Variants in SSBP3 observed in about 807,000 individuals in gnomAD.
SSBP3 encodes the protein single-stranded DNA-binding protein 3.
In SSBP3, 5 loss-of-function variants were observed where a neutral mutation model predicts 69.6. The observed-to-expected ratio is 0.07, with a 90% confidence interval of 0.04 to 0.15. The LOEUF (loss-of-function observed/expected upper bound fraction) is 0.15, where lower values mean the gene tolerates loss of function less well. Among genes scored for constraint, SSBP3 ranks in the 10% least tolerant of loss-of-function variants. The pLI is 1.00. For synonymous variants in SSBP3, 196 were observed against 193.4 expected, an observed-to-expected ratio of 1.01 and a Z score of -0.11; for missense variants, 312 against 534.0, an observed-to-expected ratio of 0.58 and a Z score of 4.10.
chr1:54,276,608 C>CAAAAAAAAAAAAAAAAAAAAAAAAAA (rs746933473), intron 5 of SSBP3, among the ~76,000 whole-genome samples: 1 of 35,214 alleles, frequency 2.8e-5, no homozygotes, highest in African/African-American at 1.5e-4. Flanking sequence ...GACTCTGTCT[C>CAAAAAAAAAAAAAAAAAAAAAAAAAA]AAAAAAAAAA....
At chr1:54,411,334 C>T (rs561252087), upstream of SSBP3, among the ~76,000 whole-genome samples, 19 of 151,842 alleles carry the variant, frequency 1.3e-4, no homozygotes, top group African/African-American at 3.9e-4. Context: ...AAAAATTAGC[C>T]GGGCATGGTG....
chr1:54,238,940 C>A, intron 14 of SSBP3, 189 bp downstream of exon 14: 4 of 392,980 alleles, frequency 1.0e-5, no homozygotes, highest in African/African-American at 2.1e-5. Flanking sequence ...CCCTTCCTCT[C>A]CCACCCCCTG....
intron 1 of SSBP3, chr1:54,412,583 G>GCAAGAGCAAAGT: frequency 6.6e-6 from 1 of 152,298 alleles, no homozygotes. Context: ...TAGAGCTTCA[G>GCAAGAGCAAAGT]TTTGGGAAGA....
intron 4 of SSBP3, among the ~76,000 whole-genome samples, chr1:54,325,627 TG>T (rs1218801924): frequency 6.6e-6 from 1 of 152,222 alleles, no homozygotes; most frequent in East Asian, 1.9e-4. Context: ...TTACCTTTGC[TG>T]GGGGATTCAA....
chr1:54,313,983 C>T (rs1646052267), intron 4 of SSBP3, among the ~76,000 whole-genome samples: 1 of 152,130 alleles, frequency 6.6e-6, no homozygotes, highest in Non-Finnish European at 1.5e-5. Flanking sequence ...AGGCTGGTCT[C>T]AAAGTCCTGA....
chr1:54,380,268 C>T (rs779679723), intron 4 of SSBP3, among the ~76,000 whole-genome samples: 2 of 152,140 alleles, frequency 1.3e-5, no homozygotes, highest in Non-Finnish European at 2.9e-5. Context: ...TCACACACCC[C>T]CTCCTTTTTC....
At chr1:54,231,763 T>C (rs1644382886) in intron 14 of SSBP3, among the ~76,000 whole-genome samples, 1 of 152,152 alleles carries the variant, frequency 6.6e-6, no homozygotes, top group Non-Finnish European at 1.5e-5. Flanking sequence ...GGCGTGATCT[T>C]GGCTCACTGC....
chr1:54,406,036 T>TCACCGCCGCCGC, exon 1 of SSBP3: 1 of 1,329,340 alleles, frequency 7.5e-7, no homozygotes. Flanking sequence ...GCGCCGAGCC[T>TCACCGCCGCCGC]CGCCGCCGCC....
intron 4 of SSBP3, among the ~76,000 whole-genome samples, chr1:54,284,743 AC>A (rs1645457393): frequency 6.6e-6 from 1 of 152,144 alleles, no homozygotes. Flanking sequence ...TGCTAGCATT[AC>A]AGGTGTGAAC....
intron 5 of SSBP3, among the ~76,000 whole-genome samples, chr1:54,275,437 G>A (rs1645267226): frequency 6.6e-6 from 1 of 152,242 alleles, no homozygotes; most frequent in South Asian, 2.1e-4. Flanking sequence ...CAGCTTTCTG[G>A]CAGGAGGAAT....
At chr1:54,242,922 C>G (rs1490433310) in intron 10 of SSBP3, 6 of 273,378 alleles carry the variant, frequency 2.2e-5, no homozygotes, top group Middle Eastern at 1.1e-3. Context: ...TGTACTCCAG[C>G]CTGGACAACA....
At chr1:54,340,109 G>GGTAA (rs1646580617) in intron 4 of SSBP3, among the ~76,000 whole-genome samples, 1 of 151,866 alleles carries the variant, frequency 6.6e-6, no homozygotes, top group African/African-American at 2.4e-5. Context: ...TTTGCTTTTT[G>GGTAA]GTAAGCTCTC....
In SSBP3 at chr1:54,303,000, C is replaced by T. The variant is rs141716979; in HGVS notation, c.277-21473G>A. Among the ~76,000 whole-genome samples, 24 of 152,264 alleles carry T rather than the reference C, an allele frequency of 1.6e-4. No individual in the cohort carries two copies. The East Asian group carries it at 4.2e-3, about 27-fold the overall frequency. On this transcript the variant is annotated intron_variant, in intron 4 of 17. Transcript: ENST00000610401. ...GAAGCAGGTGATCTAGCGGGGCAGA[C>T]GAGACAGACACGTGAAACAATTAGT...
At chr1:54,316,934 C>T (rs547898344) in intron 4 of SSBP3, among the ~76,000 whole-genome samples, 46 of 152,198 alleles carry the variant, frequency 3.0e-4, no homozygotes, top group African/African-American at 1.0e-3. Context: ...TCCCTTCAGC[C>T]TCTTTTAGGA....
intron 14 of SSBP3, among the ~76,000 whole-genome samples, chr1:54,234,365 TAAATAA>T (rs1297471623): frequency 7.0e-6 from 1 of 141,884 alleles, no homozygotes; most frequent in Non-Finnish European, 1.6e-5. Flanking sequence ...TTAAAAAAAA[TAAATAA>T]AAATAAAAAA....
At position 54,228,239 on chromosome 1, in the gene SSBP3, AG is replaced by A. The variant is rs1644321147; in HGVS notation, c.1137+15del. ...GGCCGTGGGGACGAGAGCAACAGGCAGGGGGCGAGGCTTACATTGTCGTTCT... is the reference window on the plus strand; with the variant it reads ...GGCCGTGGGGACGAGAGCAACAGGCAGGGGCGAGGCTTACATTGTCGTTCT... On this transcript the variant is annotated intron_variant, in intron 17 of 17. Transcript: ENST00000610401. 6.2e-7 allele frequency: 1 copy of A among 1,611,528 alleles called. No homozygotes were observed. The highest frequency in any genetic ancestry group is 1.3e-5 in the African/African-American group (1 of 74,872).
At chr1:54,396,537 G>A (rs1268695423) in intron 4 of SSBP3, among the ~76,000 whole-genome samples, 1 of 152,092 alleles carries the variant, frequency 6.6e-6, no homozygotes, top group African/African-American at 2.4e-5. Context: ...GGGAAGTCAT[G>A]GGAAGGGGGC....
intron 4 of SSBP3, among the ~76,000 whole-genome samples, chr1:54,374,109 T>C (rs1279224719): frequency 1.3e-5 from 2 of 152,202 alleles, no homozygotes; most frequent in Non-Finnish European, 2.9e-5. Context: ...AAGCCTGTCT[T>C]TGAGAATGGC....
At chr1:54,276,608 CAAAAAAAAA>C (rs746933473) in intron 5 of SSBP3, among the ~76,000 whole-genome samples, 32 of 35,216 alleles carry the variant, frequency 9.1e-4, no homozygotes, top group East Asian at 6.6e-3. Flanking sequence ...GACTCTGTCT[CAAAAAAAAA>C]AAAAAAAAAA....
Sources: allele counts gnomAD v4.1 joint callset (sites outside exome capture counted in the v4.1 genomes callset), GRCh38; gene constraint gnomAD v4.1.1; transcripts MANE v1.5; gene names NCBI Gene and HGNC (gene_info 2026-07-23, HGNC 2026-07-21).